The following TMEM123 variants were observed in gnomAD, a reference collection of about 807,000 sequenced individuals.
TMEM123 encodes the protein porimin.
A neutral mutation model predicts 19.7 loss-of-function variants in TMEM123; 16 were observed. The ratio of observed to expected loss-of-function variants is 0.81; its 90% CI spans 0.55 to 1.23. The LOEUF is 1.23. Ranked by LOEUF, TMEM123 falls within the 50% of genes most tolerant of loss-of-function variation. The pLI, the probability that TMEM123 is intolerant of heterozygous loss-of-function variation, is 0.00. For synonymous variants in TMEM123, 118 were observed against 99.4 expected (o/e 1.19, Z -1.12); for missense variants, 313 against 257.8 (o/e 1.21, Z -1.47).
intron 2 of TMEM123, among the ~76,000 whole-genome samples, chr11:102,404,602 T>C (rs1951939487): frequency 6.6e-6 from 1 of 151,588 alleles, no homozygotes; most frequent in Non-Finnish European, 1.5e-5. Flanking sequence ...TATTTATTAT[T>C]GTTATTACTA....
intron 2 of TMEM123, among the ~76,000 whole-genome samples, chr11:102,438,301 C>T (rs562761838): frequency 7.2e-5 from 11 of 152,196 alleles, no homozygotes; most frequent in African/African-American, 1.9e-4. Context: ...ATCTGCTCCC[C>T]TCAGCCTCCC....
At chr11:102,402,983 T>C (rs985327195) in intron 2 of TMEM123, among the ~76,000 whole-genome samples, 7 of 152,192 alleles carry the variant, frequency 4.6e-5, no homozygotes, top group African/African-American at 1.2e-4. Flanking sequence ...CAGAAACATA[T>C]AGGTACAGAT....
At chr11:102,441,133 A>C (rs918851752) in intron 2 of TMEM123, among the ~76,000 whole-genome samples, 1 of 152,218 alleles carries the variant, frequency 6.6e-6, no homozygotes, top group Non-Finnish European at 1.5e-5. Context: ...TAGACAGATC[A>C]ACCAGACAGA....
chr11:102,405,587 C>A (rs1241610927), intron 2 of TMEM123, among the ~76,000 whole-genome samples: 1 of 152,098 alleles, frequency 6.6e-6, no homozygotes, highest in Non-Finnish European at 1.5e-5. Flanking sequence ...AAATTAAATA[C>A]AGCAAAGAAC....
chr11:102,418,186 A>G (rs926477160), intron 2 of TMEM123, among the ~76,000 whole-genome samples: 3 of 152,118 alleles, frequency 2.0e-5, no homozygotes, highest in African/African-American at 7.2e-5. Flanking sequence ...CTAAAGTTGA[A>G]AAGTGCAACC....
At chr11:102,442,461 A>G (rs898588046) in intron 2 of TMEM123, among the ~76,000 whole-genome samples, 4 of 152,230 alleles carry the variant, frequency 2.6e-5, no homozygotes, top group Non-Finnish European at 4.4e-5. Flanking sequence ...GATAATCTGA[A>G]TAGATGCAGA....
chr11:102,440,329 C>T (rs1053822327), intron 2 of TMEM123, among the ~76,000 whole-genome samples: 1 of 152,188 alleles, frequency 6.6e-6, no homozygotes, highest in Non-Finnish European at 1.5e-5. Flanking sequence ...AAGCGAAGCC[C>T]ATCAGACTAA....
chr11:102,418,538 A>G (rs1952059765), intron 2 of TMEM123, among the ~76,000 whole-genome samples: 1 of 152,238 alleles, frequency 6.6e-6, no homozygotes, highest in South Asian at 2.1e-4. Context: ...CATGGAGAAA[A>G]AGGAATGCTT....
chr11:102,427,654 C>T (rs910995720), intron 2 of TMEM123, among the ~76,000 whole-genome samples: 21 of 151,328 alleles, frequency 1.4e-4, no homozygotes, highest in Admixed American at 3.3e-4. Context: ...CTGGCCAATA[C>T]GGTGAAACCC....
At chr11:102,428,797 GCTATAACT>G (rs1380761895) in intron 2 of TMEM123, among the ~76,000 whole-genome samples, 1 of 152,118 alleles carries the variant, frequency 6.6e-6, no homozygotes, top group Non-Finnish European at 1.5e-5. Flanking sequence ...TCAAGAATAG[GCTATAACT>G]CTGACAAGAG....
At position 102,398,647 on chromosome 11, in the gene TMEM123, A is replaced by G. The variant is rs1951881486; in HGVS notation, c.*220T>C. The G allele has an allele frequency of 4.0e-6, 2 of 494,084 alleles. No homozygotes were observed. The highest frequency in any genetic ancestry group is 6.6e-6 in the Non-Finnish European group (2 of 302,560). The allele number at this position is 494,084 out of a possible 1,614,324, so 30.6% of individuals were successfully genotyped here. A position where few individuals can be genotyped will look rare whatever the true frequency, so the allele number is the denominator to read the frequency against. ...GTCTTACTATGAACTTGCTAAAACC[A>G]TTGTATGAACGGTCTATAAGGATCC... On this transcript the variant is annotated 3_prime_UTR_variant, in exon 5 of 5. Coordinates refer to ENST00000398136, the MANE Select transcript of TMEM123 (RefSeq NM_052932.3).
At chr11:102,409,546 T>C (rs1951984634) in intron 2 of TMEM123, among the ~76,000 whole-genome samples, 1 of 151,528 alleles carries the variant, frequency 6.6e-6, no homozygotes, top group Non-Finnish European at 1.5e-5. Context: ...ATTGAAAATC[T>C]AGATTAAAAA....
intron 2 of TMEM123, among the ~76,000 whole-genome samples, chr11:102,428,894 T>C (rs542360037): frequency 6.6e-6 from 1 of 152,336 alleles, no homozygotes; most frequent in African/African-American, 2.4e-5. Context: ...CCACTGACTG[T>C]GGCTATGTGG....
Position 102,452,752 on chromosome 11 carries a change from C to G in TMEM123, c.-129G>C, listed in dbSNP as rs762045613. The G allele has an allele frequency of 1.8e-5, 12 of 680,956 alleles. No homozygotes were observed. Among genetic ancestry groups the G allele is most frequent in the Non-Finnish European group, 2.5e-5 (12 of 471,810 alleles). The allele number at this position is 680,956 out of a possible 1,614,324, so 42.2% of individuals were successfully genotyped here. A position where few individuals can be genotyped will look rare whatever the true frequency, so the allele number is the denominator to read the frequency against. On this transcript the variant is annotated 5_prime_UTR_variant, in exon 1 of 5. Transcript: ENST00000398136. ...GCCGCGCACGTTTCCCCTCCCGCCG[C>G]TTGCCCCCCGAATGACCAAATAGGG...
intron 2 of TMEM123, among the ~76,000 whole-genome samples, chr11:102,416,842 CAT>C (rs1952046768): frequency 1.3e-5 from 2 of 152,084 alleles, no homozygotes; most frequent in African/African-American, 4.8e-5. Flanking sequence ...GTTGGTTAAA[CAT>C]AGGCAAATCA....
chr11:102,430,164 C>T (rs1387127425), intron 2 of TMEM123, among the ~76,000 whole-genome samples: 1 of 152,178 alleles, frequency 6.6e-6, no homozygotes, highest in Non-Finnish European at 1.5e-5. Context: ...GGCAATTCTC[C>T]CCTGTTAAGT....
In TMEM123 at chr11:102,401,988, A is replaced by G. The variant is rs1951917426; in HGVS notation, c.376T>C (p.Ser126Pro). The G allele has an allele frequency of 1.2e-6, 2 of 1,614,080 alleles. No individual in the cohort carries two copies. The highest frequency in any genetic ancestry group is 1.3e-5 in the African/African-American group (1 of 74,924). ...PKTTSVSQNT[S>P]QISTSTMTVT... ...GTCATTGTGGATGTTGATATCTGAG[A>G]TGTGTTCTGTGAAACACTTGTTGTT... Residue 126 changes from serine to proline, a missense_variant, in exon 3 of 5, where the codon TCT becomes CCT. Coordinates refer to ENST00000398136, the MANE Select transcript of TMEM123 (RefSeq NM_052932.3).
chr11:102,401,851 A>G, intron 3 of TMEM123, 65 bp downstream of exon 3: 4 of 1,560,020 alleles, frequency 2.6e-6, no homozygotes, highest in African/African-American at 2.7e-5. Context: ...AGACAGAATA[A>G]TGACTTAAAT....
intron 2 of TMEM123, among the ~76,000 whole-genome samples, chr11:102,422,180 G>C (rs1286445323): frequency 6.6e-6 from 1 of 152,192 alleles, no homozygotes; most frequent in Non-Finnish European, 1.5e-5. Context: ...TGATGGTAAA[G>C]GTGGAAAGAA....
Sources: allele counts gnomAD v4.1 joint callset (sites outside exome capture counted in the v4.1 genomes callset), GRCh38; gene constraint gnomAD v4.1.1; transcripts MANE v1.5; gene names NCBI Gene and HGNC (gene_info 2026-07-23, HGNC 2026-07-21).